The following GRIP1 variants were observed in gnomAD, a reference collection of about 807,000 sequenced individuals.
The protein encoded by GRIP1 is glutamate receptor-interacting protein 1.
Under a neutral mutation model 129.9 loss-of-function variants are expected in GRIP1, and 45 were observed. The observed-to-expected ratio is 0.35, with a 90% CI of 0.27 to 0.44. GRIP1 has a LOEUF of 0.44. Among genes scored for constraint, GRIP1 ranks in the 20% least tolerant of loss-of-function variants. The probability of loss-of-function intolerance (pLI) is 1.00; values close to 1 mark genes in which losing one functional copy is unlikely to be tolerated. For synonymous variants in GRIP1, 530 were observed against 520.8 expected, an observed-to-expected ratio of 1.02 and a Z score of -0.24; for missense variants, 1,196 against 1,396.8, an observed-to-expected ratio of 0.86 and a Z score of 2.29.
At chr12:66,753,686 T>C (rs899220941) in intron 1 of GRIP1, among the ~76,000 whole-genome samples, 1 of 152,350 alleles carries the variant, frequency 6.6e-6, no homozygotes, top group Middle Eastern at 3.4e-3. Context: ...CCCAGAGCAT[T>C]TATTATGTAT....
intron 7 of GRIP1, among the ~76,000 whole-genome samples, chr12:66,478,573 G>A (rs1316505549): frequency 6.6e-6 from 1 of 152,132 alleles, no homozygotes; most frequent in Non-Finnish European, 1.5e-5. Flanking sequence ...AAAGACACAT[G>A]CACACGTATG....
chr12:66,702,011 T>A (rs1022909968), intron 1 of GRIP1, among the ~76,000 whole-genome samples: 2 of 152,266 alleles, frequency 1.3e-5, no homozygotes, highest in African/African-American at 2.4e-5. Flanking sequence ...CACATTCAAG[T>A]ATCACAGAGC....
chr12:66,956,384 CAGG>C (rs1200665236), intron 1 of GRIP1, among the ~76,000 whole-genome samples: 4 of 151,998 alleles, frequency 2.6e-5, no homozygotes, highest in African/African-American at 9.7e-5. Flanking sequence ...TTCAATATAC[CAGG>C]AGTAGATGAT....
At chr12:66,520,373 T>G (rs750993010) in intron 5 of GRIP1, among the ~76,000 whole-genome samples, 2 of 152,220 alleles carry the variant, frequency 1.3e-5, no homozygotes, top group Non-Finnish European at 2.9e-5. Flanking sequence ...TATATTTGAT[T>G]CTCATTGAGA....
At chr12:66,888,297 G>A (rs1045502393) in intron 1 of GRIP1, among the ~76,000 whole-genome samples, 2 of 151,822 alleles carry the variant, frequency 1.3e-5, no homozygotes, top group African/African-American at 4.8e-5. Flanking sequence ...TTAGACTCAA[G>A]CAATCATCTT....
At chr12:66,485,967 G>A (rs1422328520) in intron 7 of GRIP1, among the ~76,000 whole-genome samples, 3 of 151,946 alleles carry the variant, frequency 2.0e-5, no homozygotes, top group African/African-American at 7.3e-5. Context: ...ACTCTGTTCT[G>A]TTTGTCTTTT....
chr12:66,639,236 G>T (rs186879461), intron 1 of GRIP1, among the ~76,000 whole-genome samples: 1 of 152,078 alleles, frequency 6.6e-6, no homozygotes, highest in African/African-American at 2.4e-5. Flanking sequence ...TACTACTAGC[G>T]AACTGAAGTG....
At position 66,348,019 on chromosome 12, in the gene GRIP1, A is replaced by G. The variant is rs953687206; in HGVS notation, c.*1000T>C. Reference sequence around the variant, plus strand: ...GCAACTGTCACAATTTATTGCTTTGAGGGATGGTAATAATTGGCAATGCAT... The same window carrying G: ...GCAACTGTCACAATTTATTGCTTTGGGGGATGGTAATAATTGGCAATGCAT... On this transcript the variant is annotated 3_prime_UTR_variant, in exon 25 of 25. Transcript: ENST00000359742. The G allele has an allele frequency of 6.6e-6, 1 of 152,194 alleles. No homozygotes were observed. The highest frequency in any genetic ancestry group is 2.4e-5 in the African/African-American group (1 of 41,454). The allele number at this position is 152,194 out of a possible 1,614,324, so 9.4% of individuals were successfully genotyped here.
intron 1 of GRIP1, among the ~76,000 whole-genome samples, chr12:67,037,850 A>G (rs1394264): frequency 0.094 from 14,355 of 152,216 alleles, 1,898 homozygotes; most frequent in African/African-American, 0.29. Context: ...TGTTTGGTCT[A>G]GATTACTTGA....
intron 4 of GRIP1, among the ~76,000 whole-genome samples, chr12:66,538,296 C>G (rs1445064799): frequency 1.3e-5 from 2 of 151,624 alleles, no homozygotes; most frequent in Non-Finnish European, 2.9e-5. Context: ...ACCTTCTGGG[C>G]TCAAGGAATC....
At chr12:66,808,152 C>T (rs74098248), upstream of GRIP1, among the ~76,000 whole-genome samples, 1 of 151,954 alleles carries the variant, frequency 6.6e-6, no homozygotes, top group Non-Finnish European at 1.5e-5. Context: ...GTAAGAGGTG[C>T]TATTTATCAG....
intron 1 of GRIP1, among the ~76,000 whole-genome samples, chr12:66,825,570 C>T (rs777023303): frequency 1.1e-4 from 16 of 152,118 alleles, no homozygotes; most frequent in South Asian, 2.1e-4. Context: ...CCTGTTTATC[C>T]CACAGTTCCC....
At chr12:66,860,315 A>G (rs1012354203) in intron 1 of GRIP1, among the ~76,000 whole-genome samples, 2 of 152,090 alleles carry the variant, frequency 1.3e-5, no homozygotes, top group African/African-American at 4.8e-5. Context: ...AGTGGTATCT[A>G]TCTCTTAGAG....
rs571823482 is a variant in GRIP1, at chr12:66,348,592, C to T, written c.*427G>A. On this transcript the variant is annotated 3_prime_UTR_variant, in exon 25 of 25. Transcript: ENST00000359742. ...TAGAGCCAGCCTATGAGAAGAAAAG[C>T]TTTGTTGGCCAAGTTCTTACATTAA... 20 of 199,290 alleles carry T rather than the reference C, an allele frequency of 1.0e-4. No individual in the cohort carries two copies. The highest frequency in any genetic ancestry group is 2.1e-4 in the Non-Finnish European group (20 of 96,390). 12.3% of individuals were successfully genotyped at this position (199,290 alleles called of 1,614,324 possible). A position where few individuals can be genotyped will look rare whatever the true frequency, so the allele number is the denominator to read the frequency against.
chr12:66,885,990 C>A (rs1046955034), intron 1 of GRIP1, among the ~76,000 whole-genome samples: 1 of 152,138 alleles, frequency 6.6e-6, no homozygotes, highest in Non-Finnish European at 1.5e-5. Context: ...TTTATGGGTG[C>A]AGTGGTTCAC....
chr12:66,794,265 T>G (rs752706369), intron 1 of GRIP1, among the ~76,000 whole-genome samples: 1 of 152,196 alleles, frequency 6.6e-6, no homozygotes, highest in Non-Finnish European at 1.5e-5. Context: ...AGTAATGAGA[T>G]AGGTTTCTGT....
intron 2 of GRIP1, chr12:66,568,072 G>A (rs1372602475): frequency 1.2e-5 from 3 of 257,172 alleles, no homozygotes; most frequent in Non-Finnish European, 2.3e-5. Flanking sequence ...CAGCATAAAA[G>A]GCTAAAGTAG....
chr12:66,404,326 T>C (rs772700761), intron 16 of GRIP1, among the ~76,000 whole-genome samples: 11 of 152,244 alleles, frequency 7.2e-5, no homozygotes, highest in Non-Finnish European at 1.0e-4. Flanking sequence ...ACTCTAGATC[T>C]AGATGACCTG....
intron 1 of GRIP1, among the ~76,000 whole-genome samples, chr12:66,729,543 G>A (rs556049439): frequency 2.6e-5 from 4 of 152,168 alleles, no homozygotes; most frequent in South Asian, 4.2e-4. Context: ...GTTCATGGTC[G>A]CATGCTACTC....
Sources: allele counts gnomAD v4.1 joint callset (sites outside exome capture counted in the v4.1 genomes callset), GRCh38; gene constraint gnomAD v4.1.1; transcripts MANE v1.5; gene names NCBI Gene and HGNC (gene_info 2026-07-23, HGNC 2026-07-21).